IL1R2: variants seen among roughly 807,000 people sequenced by gnomAD.
IL1R2 encodes interleukin-1 receptor type 2.
In IL1R2, 46 loss-of-function variants were observed where a neutral mutation model predicts 39.5. That is an observed-to-expected ratio of 1.16 (90% CI 0.92 to 1.49). The LOEUF (loss-of-function observed/expected upper bound fraction) is 1.49, where lower values mean the gene tolerates loss of function less well. Ranked by LOEUF, IL1R2 falls within the 40% of genes most tolerant of loss-of-function variation. IL1R2 has a pLI of 0.00. For missense variants in IL1R2, 537 were observed against 502.0 expected (o/e 1.07, Z -0.67); for synonymous variants, 207 against 189.6 (o/e 1.09, Z -0.75).
chr2:102,014,882 C>T (rs1676890146), intron 3 of IL1R2, among the ~76,000 whole-genome samples: 1 of 151,172 alleles, frequency 6.6e-6, no homozygotes, highest in South Asian at 2.1e-4. Flanking sequence ...AGGTTTTCCT[C>T]TTCCCTTTTT....
intron 7 of IL1R2, 140 bp downstream of exon 7, chr2:102,024,808 A>G: frequency 9.0e-7 from 1 of 1,107,164 alleles, no homozygotes; most frequent in South Asian, 2.2e-5. Flanking sequence ...AATTTAAAAA[A>G]TTGTATTTTG....
intron 3 of IL1R2, among the ~76,000 whole-genome samples, chr2:102,011,472 G>A (rs548799801): frequency 2.0e-5 from 3 of 152,238 alleles, no homozygotes; most frequent in South Asian, 2.1e-4. Context: ...TGATTTCCAC[G>A]TTCCTAATGA....
rs1349008752 is a variant in IL1R2 at position 102,009,819 on chromosome 2, A to G, written c.325A>G (p.Thr109Ala). ...GGAGGACTCTGGCACCTACGTCTGC[A>G]CTACTAGGTAAGTCTCCCTGTGCGG... is the stretch of plus-strand genomic sequence containing the variant. ...LQEDSGTYVC[T>A]TRNASYCDKM... The change falls in exon 3 of 9, where the codon ACT (threonine) becomes GCT (alanine). Residue 109 changes from threonine (T) to alanine (A), a missense_variant. Thr to Ala is a moderately conservative substitution (Grantham distance 58, BLOSUM62 0). Transcript: ENST00000332549. The G allele has an allele frequency of 6.2e-7, 1 of 1,614,054 alleles. No individual in the cohort carries two copies.
At position 101,998,107 on chromosome 2, in the gene IL1R2, C is replaced by T. The variant is rs191254071; in HGVS notation, c.-62+6096C>T. 4.1e-3 allele frequency among the ~76,000 whole-genome samples: 626 copies of T among 152,238 alleles called. 5 individuals carry two copies. The highest frequency in any genetic ancestry group is 0.015 in the African/African-American group (603 of 41,530). ...GGTAATTGCAATATTACCTTCATTGCGTCTGTGTTGCATGTACTGTCCCAT... is the reference window on the plus strand; with the variant it reads ...GGTAATTGCAATATTACCTTCATTGTGTCTGTGTTGCATGTACTGTCCCAT... On this transcript the variant is annotated intron_variant, in intron 1 of 8. Coordinates refer to ENST00000332549, the MANE Select transcript of IL1R2 (RefSeq NM_004633.4).
chr2:102,016,150 C>A, intron 4 of IL1R2, 99 bp downstream of exon 4: 1 of 899,264 alleles, frequency 1.1e-6, no homozygotes, highest in Non-Finnish European at 1.7e-6. Flanking sequence ...AGACAGTGCA[C>A]ACACACACAC....
intron 1 of IL1R2, among the ~76,000 whole-genome samples, chr2:102,003,799 TCTGTGGCTGTG>T (rs2150425593): frequency 1.4e-3 from 2 of 1,392 alleles, no homozygotes; most frequent in Admixed American, 9.4e-3. Context: ...TGTGTCTGTG[TCTGTGGCTGTG>T]CTGTGTCTGT....
intron 3 of IL1R2, among the ~76,000 whole-genome samples, chr2:102,014,136 G>T (rs1247059926): frequency 6.6e-6 from 1 of 152,144 alleles, no homozygotes; most frequent in Non-Finnish European, 1.5e-5. Flanking sequence ...TGTCTACTAA[G>T]CTTGGTTTCT....
intron 8 of IL1R2, 81 bp from the exon 9 acceptor site, chr2:102,028,145 A>G (rs1677845622): frequency 8.3e-7 from 1 of 1,208,934 alleles, no homozygotes; most frequent in Non-Finnish European, 1.1e-6. Context: ...TTTCTTTCTT[A>G]TCTTGTACAC....
chr2:102,007,273 A>G (rs1445940537), intron 1 of IL1R2, among the ~76,000 whole-genome samples: 1 of 152,080 alleles, frequency 6.6e-6, no homozygotes, highest in Admixed American at 6.6e-5. Flanking sequence ...AACTTGTACA[A>G]GCTATTTCTG....
At chr2:102,026,789 G>T (rs1677770633) in intron 8 of IL1R2, among the ~76,000 whole-genome samples, 1 of 152,140 alleles carries the variant, frequency 6.6e-6, no homozygotes, top group African/African-American at 2.4e-5. Context: ...TATCATTTTT[G>T]ATTAAATTGA....
At position 101,998,392 on chromosome 2, in the gene IL1R2, C is replaced by G. The variant is rs181704110; in HGVS notation, c.-62+6381C>G. Among the ~76,000 whole-genome samples, 190 of 152,314 alleles carry G rather than the reference C, an allele frequency of 1.2e-3. 2 individuals are homozygous for G. Among genetic ancestry groups the G allele is most frequent in the Admixed American group, 2.4e-3 (37 of 15,298 alleles). On this transcript the variant is annotated intron_variant, in intron 1 of 8. Transcript: ENST00000332549. ...CTTTTTTCAGTGTGTGTTTTCTTCT[C>G]CTAGCCTTCTCCCTCTTTCCAATTT...
At chr2:102,010,116 A>C (rs1367885051) in intron 3 of IL1R2, 1 of 417,552 alleles carries the variant, frequency 2.4e-6, no homozygotes, top group Non-Finnish European at 4.4e-6. Context: ...TCCTTGCGAT[A>C]AGATTTTCCC....
At position 102,021,581 on chromosome 2, in the gene IL1R2, C is replaced by T. The variant is rs933455682; in HGVS notation, c.689-606C>T. Among the ~76,000 whole-genome samples the T allele has an allele frequency of 6.6e-5, 10 of 152,252 alleles. No individual in the cohort carries two copies. In the East Asian group the frequency reaches 9.7e-4, roughly 15 times the overall value. On this transcript the variant is annotated intron_variant, in intron 5 of 8. Coordinates refer to ENST00000332549, the MANE Select transcript of IL1R2 (RefSeq NM_004633.4). ...CACCTGCCTCGGCCTCCCAAAGTGC[C>T]GGGATTACAGGCGTGAGCCACTGCA...
At chr2:101,997,191 G>A (rs746062512) in intron 1 of IL1R2, among the ~76,000 whole-genome samples, 3 of 152,138 alleles carry the variant, frequency 2.0e-5, no homozygotes, top group Admixed American at 1.3e-4. Flanking sequence ...TACTGCTGGC[G>A]TCTGTGACTG....
intron 2 of IL1R2, among the ~76,000 whole-genome samples, chr2:102,009,190 A>C (rs1204105533): frequency 6.6e-6 from 1 of 152,180 alleles, no homozygotes; most frequent in East Asian, 1.9e-4. Context: ...CTAAACTTTT[A>C]CCATCTAAAC....
intron 5 of IL1R2, among the ~76,000 whole-genome samples, chr2:102,021,274 A>G (rs542954640): frequency 2.1e-5 from 3 of 144,638 alleles, no homozygotes; most frequent in Non-Finnish European, 4.6e-5. Flanking sequence ...TGCTCATTTC[A>G]GGGGCCTCGT....
In IL1R2 at chr2:102,019,708, A is replaced by G. The variant is rs1677237387; in HGVS notation, c.584A>G (p.His195Arg). The G allele has an allele frequency of 1.2e-6, 2 of 1,614,046 alleles. No individual in the cohort carries two copies. The highest frequency in any genetic ancestry group is 1.1e-5 in the South Asian group (1 of 91,070). ...SVRGTTHLLV[H>R]DVALEDAGYY... ...AGGGGGACCACTCACTTACTCGTAC[A>G]CGATGTGGCCCTGGAAGATGCTGGC... Residue 195 changes from histidine to arginine, a missense_variant, in exon 5 of 9, where the codon CAC becomes CGC. His to Arg is a conservative substitution (Grantham distance 29, BLOSUM62 0). Coordinates refer to ENST00000332549, the MANE Select transcript of IL1R2 (RefSeq NM_004633.4).
chr2:102,002,920 A>G (rs1008988074), intron 1 of IL1R2, among the ~76,000 whole-genome samples: 2 of 136,888 alleles, frequency 1.5e-5, no homozygotes, highest in African/African-American at 2.9e-5. Context: ...CTATGTCTAC[A>G]TGTATATCTC....
chr2:102,017,742 C>T (rs563606444), intron 4 of IL1R2, among the ~76,000 whole-genome samples: 12 of 146,990 alleles, frequency 8.2e-5, no homozygotes, highest in Non-Finnish European at 1.6e-4. Flanking sequence ...TCACTGGACA[C>T]AGCCACATCC....
Sources: allele counts gnomAD v4.1 joint callset (sites outside exome capture counted in the v4.1 genomes callset), GRCh38; gene constraint gnomAD v4.1.1; transcripts MANE v1.5; gene names NCBI Gene and HGNC (gene_info 2026-07-23, HGNC 2026-07-21).